Variants in FBXO5 observed in about 807,000 individuals in gnomAD.
FBXO5 encodes the protein F-box protein 5, also known as F-box only protein 5.
FBXO5 carries 8 observed loss-of-function variants against 43.3 expected under a neutral mutation model. That is an observed-to-expected ratio of 0.18 (90% CI 0.11 to 0.33). The LOEUF is 0.33. Among genes scored for constraint, FBXO5 ranks in the 10% least tolerant of loss-of-function variants. The pLI is 1.00. For missense variants in FBXO5, 491 were observed against 535.7 expected (o/e 0.92, Z 0.82); for synonymous variants, 204 against 193.7 (o/e 1.05, Z -0.44).
rs780648667 is a variant in FBXO5, at chr6:152,974,981, G to A, written c.744C>T (p.Ser248=). 7.4e-6 allele frequency: 12 copies of A among 1,613,386 alleles called. No individual in the cohort carries two copies. The highest frequency in any genetic ancestry group is 8.5e-6 in the Non-Finnish European group (10 of 1,179,866). ...KMGLECVDIL[S]ELFRRGLRHV... The stretch of plus-strand genomic sequence containing the variant: ...GTCTGAGTCCCCTTCGAAAGAGTTC[G>A]CTGAGAATATCTACACATTCTAGGC... Residue 248 remains serine, a synonymous_variant, in exon 2 of 5, where the codon AGC becomes AGT. Transcript: ENST00000229758.
rs752231600 is a variant in FBXO5 at position 152,971,308 on chromosome 6, C to A, written c.1199G>T (p.Gly400Val). Residue 400 changes from glycine (G) to valine (V), a missense_variant, in exon 5 of 5, where the codon GGC becomes GTC. Coordinates refer to ENST00000229758, the MANE Select transcript of FBXO5 (RefSeq NM_012177.5). ...CTTCGTACAATAATCAAATCCACAG[C>A]CTTCTCGTTTGCAGGTTGCCCGTTG... ...YLQRATCKRE[G>V]CGFDYCTKCL... 6.2e-7 allele frequency: 1 copy of A among 1,614,008 alleles called. No individual in the cohort carries two copies. Among genetic ancestry groups the A allele is most frequent in the Non-Finnish European group, 8.5e-7 (1 of 1,179,952 alleles).
chr6:152,973,300 G>A (rs950271286), intron 2 of FBXO5, 164 bp from the exon 3 acceptor site: 13 of 589,156 alleles, frequency 2.2e-5, no homozygotes, highest in Non-Finnish European at 3.6e-5. Context: ...GGTCTAAAAT[G>A]AAGCTCAGGG....
intron 1 of FBXO5, among the ~76,000 whole-genome samples, chr6:152,977,239 G>T (rs904206389): frequency 6.6e-6 from 1 of 152,160 alleles, no homozygotes; most frequent in African/African-American, 2.4e-5. Context: ...AGGTTAAAAT[G>T]TGCCCCATCT....
In FBXO5 at chr6:152,970,971, CT is replaced by C; in HGVS notation, c.*191del. On this transcript the variant is annotated 3_prime_UTR_variant, in exon 5 of 5. Coordinates refer to ENST00000229758, the MANE Select transcript of FBXO5 (RefSeq NM_012177.5). ...TTTGATTTGTATTGAGAATTTTAAACTTTTTCTCATTAAATTGTAAAAATAT... is the reference window on the plus strand; with the variant it reads ...TTTGATTTGTATTGAGAATTTTAAACTTTTCTCATTAAATTGTAAAAATAT... 1 of 463,540 alleles carries C rather than the reference CT, an allele frequency of 2.2e-6. No homozygotes were observed. 28.7% of individuals were successfully genotyped at this position (463,540 alleles called of 1,614,324 possible).
intron 1 of FBXO5, among the ~76,000 whole-genome samples, chr6:152,978,637 G>C (rs985246704): frequency 6.6e-6 from 1 of 152,038 alleles, no homozygotes; most frequent in Non-Finnish European, 1.5e-5. Flanking sequence ...CACTTAAGGA[G>C]TTAAAATGAC....
In FBXO5 at chr6:152,982,944, AG is replaced by A; in HGVS notation, c.15del (p.Cys6AlafsTer19). The A allele has an allele frequency of 7.0e-7, 1 of 1,427,064 alleles. No individual in the cohort carries two copies. Among genetic ancestry groups the A allele is most frequent in the Non-Finnish European group, 9.1e-7 (1 of 1,100,042 alleles). The allele number at this position is 1,427,064 out of a possible 1,614,324, so 88.4% of individuals were successfully genotyped here. ...CGGGGTGGCCGTAGGGCGCAGCTGC[AG>A]GGGCGCCGGCTCATGCCAGCCGACG... Reference protein sequence around the residue: MSRRPCSCALRPPRC... With the variant: MSRRXCSCALRPPRC... On this transcript the variant is annotated frameshift_variant, in exon 1 of 5. Transcript: ENST00000229758. LOFTEE classifies it high-confidence loss of function.
At chr6:152,981,945 C>T (rs183036875) in intron 1 of FBXO5, among the ~76,000 whole-genome samples, 2 of 152,258 alleles carry the variant, frequency 1.3e-5, no homozygotes, top group South Asian at 2.1e-4. Context: ...CCATTCTCTG[C>T]AAGCTTTGAA....
intron 3 of FBXO5, 37 bp downstream of exon 3, chr6:152,973,009 G>A (rs2129093283): frequency 6.6e-7 from 1 of 1,506,896 alleles, no homozygotes; most frequent in Non-Finnish European, 9.2e-7. Flanking sequence ...CACTAACAGT[G>A]CATTTTTAAC....
In FBXO5 at chr6:152,971,421, A is replaced by G; in HGVS notation, c.1093-7T>C. The G allele has an allele frequency of 6.3e-7, 1 of 1,574,882 alleles. No individual in the cohort carries two copies. The highest frequency in any genetic ancestry group is 1.4e-5 in the African/African-American group (1 of 71,340). The stretch of plus-strand genomic sequence containing the variant: ...TTTTCAATGTCTTGGCAACCTAAAA[A>G]GAAAAAAAAAACCCATTAACAAATT... On this transcript the variant is annotated splice_polypyrimidine_tract_variant and splice_region_variant and intron_variant, in intron 4 of 4. Coordinates refer to ENST00000229758, the MANE Select transcript of FBXO5 (RefSeq NM_012177.5).
At chr6:152,972,168 AGTT>A (rs1436898349) in intron 4 of FBXO5, 101 bp downstream of exon 4, 4 of 660,226 alleles carry the variant, frequency 6.1e-6, no homozygotes, top group Admixed American at 6.1e-5. Flanking sequence ...AGAATAAATT[AGTT>A]ATTATCTAGA....
At chr6:152,974,028 C>T (rs1238690190) in intron 2 of FBXO5, 4 of 150,944 alleles carry the variant, frequency 2.6e-5, no homozygotes, top group Non-Finnish European at 4.4e-5. Context: ...TGCATAATCA[C>T]CTTAATTCTC....
chr6:152,974,115 G>A (rs900862852), intron 2 of FBXO5: 4 of 151,910 alleles, frequency 2.6e-5, no homozygotes, highest in African/African-American at 9.7e-5. Context: ...CTAAGAAATT[G>A]TCATAAACAG....
chr6:152,982,985 G>A lies in FBXO5; in HGVS notation c.-26C>T, dbSNP rs1017594398. The A allele has an allele frequency of 2.6e-5, 35 of 1,364,112 alleles. No individual in the cohort carries two copies. The African/African-American group carries it at 3.5e-4, about 14-fold the overall frequency. 84.5% of individuals were successfully genotyped at this position (1,364,112 alleles called of 1,614,324 possible). On this transcript the variant is annotated 5_prime_UTR_variant, in exon 1 of 5. Transcript: ENST00000229758. ...GCCAGCCGACGTGGAGTCTGCCTCA[G>A]GTGGAGGAACCGCTCCGGGGGCAGC... is the stretch of plus-strand genomic sequence containing the variant.
At chr6:152,979,925 T>C (rs1303219179) in intron 1 of FBXO5, among the ~76,000 whole-genome samples, 2 of 152,186 alleles carry the variant, frequency 1.3e-5, no homozygotes, top group Non-Finnish European at 2.9e-5. Context: ...TGGAAAAAGG[T>C]ATTAAATGAG....
intron 1 of FBXO5, among the ~76,000 whole-genome samples, chr6:152,979,470 G>C (rs972038856): frequency 3.3e-5 from 5 of 152,106 alleles, no homozygotes; most frequent in African/African-American, 1.2e-4. Flanking sequence ...ACTTGGCTGA[G>C]GTAGTATTTC....
At chr6:152,983,127 T>A, upstream of FBXO5, 2 of 426,234 alleles carry the variant, frequency 4.7e-6, no homozygotes, top group Non-Finnish European at 4.1e-6. Flanking sequence ...GTCGCTTGCA[T>A]GCGCGCACCA....
At chr6:152,975,738 A>G (rs1778160534) in intron 1 of FBXO5, 117 bp from the exon 2 acceptor site, 1 of 634,638 alleles carries the variant, frequency 1.6e-6, no homozygotes. Flanking sequence ...TATTGTCTAC[A>G]TGTACTTGCT....
intron 1 of FBXO5, among the ~76,000 whole-genome samples, chr6:152,981,578 G>A (rs1425024909): frequency 6.6e-6 from 1 of 151,446 alleles, no homozygotes; most frequent in Admixed American, 6.6e-5. Flanking sequence ...CCTCAAACCT[G>A]TAAACTGGGG....
rs1168069120 is a variant in FBXO5, at chr6:152,972,388, C to A, written c.976G>T (p.Ala326Ser). 1 of 1,612,596 alleles carries A rather than the reference C, an allele frequency of 6.2e-7. No individual in the cohort carries two copies. The highest frequency in any genetic ancestry group is 8.5e-7 in the Non-Finnish European group (1 of 1,179,112). ...TGGGCTGCTGATTTCTGAACAGAAG[C>A]CAGTGGGGTTCTGAACATAACATAT... ...REYVMFRTPL[A>S]SVQKSAAQTS... Residue 326 changes from alanine to serine, a missense_variant, in exon 4 of 5, where the codon GCT (alanine) becomes TCT (serine). Transcript: ENST00000229758.
Sources: gnomAD v4.1 joint callset for allele counts (sites outside exome capture counted in the v4.1 genomes callset) on GRCh38, gnomAD v4.1.1 for gene constraint, MANE v1.5 for transcripts, NCBI Gene and HGNC (gene_info 2026-07-23, HGNC 2026-07-21) for gene names.